Variants in ACSM1 observed in about 807,000 individuals in gnomAD.
ACSM1 encodes the protein acyl-coenzyme A synthetase ACSM1, mitochondrial.
A neutral mutation model predicts 75.8 loss-of-function variants in ACSM1; 79 were observed. That is an observed-to-expected ratio of 1.04 (90% CI 0.87 to 1.26). The LOEUF is 1.26. ACSM1 is among the 50% of genes most tolerant of loss of function. ACSM1 has a pLI of 0.00. For missense variants in ACSM1, 676 were observed against 720.1 expected (o/e 0.94, Z 0.70); for synonymous variants, 279 against 265.8 (o/e 1.05, Z -0.48).
chr16:20,657,109 C>CTATACATA (rs1054026055), intron 7 of ACSM1, among the ~76,000 whole-genome samples: 6 of 151,996 alleles, frequency 3.9e-5, no homozygotes, highest in Non-Finnish European at 8.8e-5. Context: ...ATAAATATGT[C>CTATACATA]TATACATATA....
chr16:20,654,430 C>CA (rs1251600758), intron 7 of ACSM1, among the ~76,000 whole-genome samples: 1 of 151,790 alleles, frequency 6.6e-6, no homozygotes, highest in Non-Finnish European at 1.5e-5. Flanking sequence ...AGCTTCTGCA[C>CA]AAAAAAAGAA....
At chr16:20,659,673 T>G (rs2019193161) in intron 7 of ACSM1, among the ~76,000 whole-genome samples, 1 of 152,088 alleles carries the variant, frequency 6.6e-6, no homozygotes, top group Admixed American at 6.6e-5. Context: ...GAATCCACTT[T>G]CCCCTTCATT....
chr16:20,630,081 G>A (rs776872583), intron 10 of ACSM1, among the ~76,000 whole-genome samples: 10 of 150,880 alleles, frequency 6.6e-5, no homozygotes, highest in East Asian at 1.9e-4. Flanking sequence ...AGAGAGCTTG[G>A]GTTGTGGGTT....
At chr16:20,682,229 A>G in intron 4 of ACSM1, 27 bp downstream of exon 4, 1 of 1,606,466 alleles carries the variant, frequency 6.2e-7, no homozygotes, top group Non-Finnish European at 8.5e-7. Context: ...GTACTCAGAG[A>G]TTATATTCAT....
chr16:20,627,795 A>C (rs377067241), intron 10 of ACSM1, among the ~76,000 whole-genome samples: 239 of 145,382 alleles, frequency 1.6e-3, no homozygotes, highest in Middle Eastern at 7.3e-3. Context: ...CGCCACTGCA[A>C]TCCAGCTTGG....
chr16:20,624,242 GTGAGT>G lies in ACSM1; in HGVS notation c.1528-32_1528-28del, dbSNP rs769341526. On this transcript the variant is annotated intron_variant, in intron 12 of 13. Transcript: ENST00000520010. ...TGCAGAATGAAGTCATGGGCTCACA[GTGAGT>G]GCCAACCTACTCCATAGCTTAAAAA... 29 of 1,592,430 alleles carry G rather than the reference GTGAGT, an allele frequency of 1.8e-5. No homozygotes were observed. In the Admixed American group the frequency reaches 5.0e-4, roughly 27 times the overall value.
intron 2 of ACSM1, among the ~76,000 whole-genome samples, chr16:20,688,386 T>C (rs1202944548): frequency 6.6e-6 from 1 of 152,110 alleles, no homozygotes; most frequent in East Asian, 1.9e-4. Flanking sequence ...ATAGAGGTTA[T>C]TGGAAGAAAT....
rs2018468852 is a variant in ACSM1, at chr16:20,648,330, ATTTACCAACATAACCTG to A, written c.993-7763_993-7747del. 6.6e-6 allele frequency among the ~76,000 whole-genome samples: 1 copy of A among 152,092 alleles called. No homozygotes were observed. The highest frequency in any genetic ancestry group is 1.5e-5 in the Non-Finnish European group (1 of 68,036). The stretch of plus-strand genomic sequence containing the variant: ...TTAACCTTTCTTGCCACTCAACCTG[ATTTACCAACATAACCTG>A]TTTCTGGCCATGCTCTCAGTCTGCA... On this transcript the variant is annotated intron_variant, in intron 7 of 13. Coordinates refer to ENST00000520010, the MANE Select transcript of ACSM1 (RefSeq NM_001318890.3). This position sits in a 1 kb window ranked among gnomAD's most constrained non-coding sequence, Gnocchi z 4.2.
At chr16:20,681,331 C>T (rs1311388435) in intron 4 of ACSM1, 1 of 152,136 alleles carries the variant, frequency 6.6e-6, no homozygotes, top group Non-Finnish European at 1.5e-5. Flanking sequence ...CCAACTGTTG[C>T]CTAGAAATTG....
rs1320601564 is a variant in ACSM1 at position 20,685,393 on chromosome 16, C to G, written c.203G>C (p.Arg68Thr). The change falls in exon 3 of 14, where the codon AGA (arginine) becomes ACA (threonine). Residue 68 changes from arginine (R) to threonine (T), a missense_variant. Arg to Thr is a moderately conservative substitution (Grantham distance 71). Coordinates refer to ENST00000520010, the MANE Select transcript of ACSM1 (RefSeq NM_001318890.3). Reference protein sequence around the residue: ...YWAQKEKEGKRGPNPAFWWVN... With the variant: ...YWAQKEKEGKTGPNPAFWWVN... ...CCACCAAAAAGCTGGATTTGGACCT[C>G]TCTTGCCCTCCTGGTCAAGACCATA... 1.2e-6 allele frequency: 2 copies of G among 1,614,218 alleles called. No individual in the cohort carries two copies. Among genetic ancestry groups the G allele is most frequent in the East Asian group, 2.2e-5 (1 of 44,884 alleles).
At chr16:20,649,389 TGAA>T (rs2152234117) in intron 7 of ACSM1, among the ~76,000 whole-genome samples, 1 of 152,332 alleles carries the variant, frequency 6.6e-6, no homozygotes, top group South Asian at 2.1e-4. Flanking sequence ...TGCCATATCT[TGAA>T]ACTGCCCTGC....
At chr16:20,657,650 A>G (rs1336376646) in intron 7 of ACSM1, among the ~76,000 whole-genome samples, 1 of 151,952 alleles carries the variant, frequency 6.6e-6, no homozygotes, top group Non-Finnish European at 1.5e-5. Flanking sequence ...GTACATGTGC[A>G]CAACGTGCAG....
At chr16:20,675,165 G>C (rs933167564) in intron 4 of ACSM1, among the ~76,000 whole-genome samples, 2 of 152,144 alleles carry the variant, frequency 1.3e-5, no homozygotes, top group African/African-American at 4.8e-5. Context: ...TAGAAGTGGT[G>C]TGTGTATGTG....
At chr16:20,653,922 A>T (rs1012975964) in intron 7 of ACSM1, among the ~76,000 whole-genome samples, 1 of 143,008 alleles carries the variant, frequency 7.0e-6, no homozygotes, top group African/African-American at 2.9e-5. Flanking sequence ...TTCATATGGA[A>T]CCAAAAAAGA....
intron 6 of ACSM1, among the ~76,000 whole-genome samples, chr16:20,669,101 T>C (rs1567291504): frequency 6.6e-6 from 1 of 151,884 alleles, no homozygotes; most frequent in Non-Finnish European, 1.5e-5. Flanking sequence ...AAGAAAATGT[T>C]GGGGTGAAGG....
At chr16:20,624,016 G>A in intron 13 of ACSM1, 80 bp downstream of exon 13, 5 of 1,575,410 alleles carry the variant, frequency 3.2e-6, no homozygotes, top group Non-Finnish European at 4.3e-6. Context: ...GGGGCTGTTT[G>A]TTACCTCCAG....
intron 10 of ACSM1, among the ~76,000 whole-genome samples, chr16:20,633,534 A>G (rs2017476088): frequency 1.3e-5 from 2 of 152,218 alleles, no homozygotes; most frequent in African/African-American, 4.8e-5. Context: ...AAGAAGAGAT[A>G]AGTAAATGAA....
intron 2 of ACSM1, among the ~76,000 whole-genome samples, chr16:20,688,799 T>G (rs2079600242): frequency 6.6e-6 from 1 of 151,946 alleles, no homozygotes. Flanking sequence ...AAAAGAATGC[T>G]GGAGAGGAAC....
intron 6 of ACSM1, among the ~76,000 whole-genome samples, chr16:20,669,366 C>A (rs1189638201): frequency 6.6e-6 from 1 of 151,564 alleles, no homozygotes; most frequent in African/African-American, 2.4e-5. Flanking sequence ...TAGTTAATTT[C>A]AAAGGTGGGA....
Sources: allele counts gnomAD v4.1 joint callset (sites outside exome capture counted in the v4.1 genomes callset), GRCh38; gene constraint gnomAD v4.1.1; non-coding constraint Gnocchi (gnomAD v3.1); transcripts MANE v1.5; gene names NCBI Gene and HGNC (gene_info 2026-07-23, HGNC 2026-07-21).